PDXDC1: variants seen among roughly 807,000 people sequenced by gnomAD.
The protein encoded by PDXDC1 is pyridoxal dependent decarboxylase domain containing 1, also known as pyridoxal-dependent decarboxylase domain-containing protein 1.
A neutral mutation model predicts 100.1 loss-of-function variants in PDXDC1; 42 were observed. The ratio of observed to expected loss-of-function variants is 0.42; its 90% CI spans 0.33 to 0.54. The LOEUF is 0.54. PDXDC1 is among the 20% of genes least tolerant of loss of function. The pLI is 0.10. For missense variants in PDXDC1, 636 were observed against 979.2 expected, an observed-to-expected ratio of 0.65 and a Z score of 4.68; for synonymous variants, 260 against 371.7, an observed-to-expected ratio of 0.70 and a Z score of 3.46.
intron 16 of PDXDC1, among the ~76,000 whole-genome samples, chr16:15,124,522 C>G (rs2047597957): frequency 6.6e-6 from 1 of 151,746 alleles, no homozygotes; most frequent in South Asian, 2.1e-4. Flanking sequence ...CGCCTGTAAT[C>G]CCAGCACTTT....
At chr16:15,137,437 G>C (rs1269934967) in intron 16 of PDXDC1, 1 of 1,291,404 alleles carries the variant, frequency 7.7e-7, no homozygotes, top group Non-Finnish European at 1.1e-6. Context: ...AGCAGAAGGC[G>C]CTGCAGGCCT....
At chr16:15,080,154 T>G in intron 16 of PDXDC1, 2 of 1,524,128 alleles carry the variant, frequency 1.3e-6, no homozygotes, top group Non-Finnish European at 1.8e-6. Flanking sequence ...TTCACAGTTA[T>G]GTAAGCAAAA....
chr16:15,040,678 C>T (rs1235285106), downstream of PDXDC1, among the ~76,000 whole-genome samples: 1 of 152,064 alleles, frequency 6.6e-6, no homozygotes, highest in Non-Finnish European at 1.5e-5. Context: ...TCCTCAGTTC[C>T]TGATGTATAA....
At chr16:14,983,639 GCAGTTATTCATGT>G (rs1323350672) in intron 1 of PDXDC1, among the ~76,000 whole-genome samples, 38 of 147,546 alleles carry the variant, frequency 2.6e-4, no homozygotes, top group Non-Finnish European at 2.8e-4. Context: ...GTCTTAAACA[GCAGTTATTCATGT>G]CAGTTATTCA....
intron 16 of PDXDC1, among the ~76,000 whole-genome samples, chr16:15,074,153 A>G (rs2045353347): frequency 1.3e-5 from 2 of 152,170 alleles, no homozygotes; most frequent in Admixed American, 6.5e-5. Context: ...TCTAATCAAC[A>G]TGTATTATTT....
rs2041094953 is a variant in PDXDC1 at position 15,009,678 on chromosome 16, C to T, written c.649-3C>T. 6.2e-7 allele frequency: 1 copy of T among 1,613,092 alleles called. No individual in the cohort carries two copies. Among genetic ancestry groups the T allele is most frequent in the Non-Finnish European group, 8.5e-7 (1 of 1,179,634 alleles). ...ATTTTTTAATGATTTGTTTTGGTTC[C>T]AGGATGTTGCCTTCCTGGAGAAACT... On this transcript the variant is annotated splice_polypyrimidine_tract_variant and splice_region_variant and intron_variant, in intron 7 of 22. Coordinates refer to ENST00000396410, the MANE Select transcript of PDXDC1 (RefSeq NM_015027.4).
At chr16:15,011,221 A>C (rs1490347693) in intron 8 of PDXDC1, among the ~76,000 whole-genome samples, 1 of 152,296 alleles carries the variant, frequency 6.6e-6, no homozygotes, top group African/African-American at 2.4e-5. Flanking sequence ...TTAACCAAAG[A>C]AAATAGAGAA....
chr16:15,042,340 C>T (rs940151759), downstream of PDXDC1, among the ~76,000 whole-genome samples: 4 of 151,980 alleles, frequency 2.6e-5, no homozygotes, highest in African/African-American at 9.7e-5. Flanking sequence ...CTTGCGCCAC[C>T]ATGCCTGGCT....
downstream of PDXDC1, among the ~76,000 whole-genome samples, chr16:15,041,860 C>T (rs2043829807): frequency 6.6e-6 from 1 of 152,222 alleles, no homozygotes; most frequent in Non-Finnish European, 1.5e-5. Flanking sequence ...CACCACAGAA[C>T]CCTGACCGCC....
intron 16 of PDXDC1, among the ~76,000 whole-genome samples, chr16:15,043,881 G>A (rs1350719025): frequency 2.0e-5 from 3 of 152,066 alleles, no homozygotes; most frequent in Non-Finnish European, 2.9e-5. Context: ...CCAGGAGGCA[G>A]AGCTTGCAGT....
intron 16 of PDXDC1, chr16:15,065,112 G>C: frequency 1.7e-6 from 2 of 1,162,672 alleles, no homozygotes; most frequent in East Asian, 2.4e-5. Context: ...CTTGCGGTAA[G>C]CCGAGATCAC....
rs184648746 is a variant in PDXDC1, at chr16:15,096,101, G to A, written c.1400-42778G>A. Among the ~76,000 whole-genome samples, 695 of 151,654 alleles carry A rather than the reference G, an allele frequency of 4.6e-3. 5 individuals are homozygous for A. The highest frequency in any genetic ancestry group is 5.8e-3 in the Non-Finnish European group (393 of 67,846). ...TCACAACATAAAATACAGCAATTTG[G>A]TTTTTTTGTTTTTTGTTTTTTTTTT... is the stretch of plus-strand genomic sequence containing the variant. On this transcript the variant is annotated intron_variant, in intron 16 of 16. Transcript: ENST00000535621.
intron 16 of PDXDC1, chr16:15,130,613 C>T (rs2048001069): frequency 2.6e-5 from 36 of 1,376,782 alleles, no homozygotes; most frequent in Non-Finnish European, 3.4e-5. Flanking sequence ...CCTGCCCTGC[C>T]AGGCCGGCCC....
rs368035666 is a variant in PDXDC1 at position 15,131,718 on chromosome 16, A to G, written c.1400-7161A>G. ...GGTGGATGAGGTCTCCTGCAGACAGACGTGAGGTCAGTGCAGAGACAGGGA... is the reference window on the plus strand; with the variant it reads ...GGTGGATGAGGTCTCCTGCAGACAGGCGTGAGGTCAGTGCAGAGACAGGGA... On this transcript the variant is annotated intron_variant, in intron 16 of 16. Transcript: ENST00000535621. 5.4e-3 allele frequency: 6,178 copies of G among 1,139,160 alleles called. 242 individuals carry two copies. In the East Asian group the frequency reaches 0.16, roughly 30 times the overall value. The allele number at this position is 1,139,160 out of a possible 1,614,324, so 70.6% of individuals were successfully genotyped here.
At chr16:15,021,923 C>G (rs2042240525) in intron 12 of PDXDC1, among the ~76,000 whole-genome samples, 2 of 152,300 alleles carry the variant, frequency 1.3e-5, no homozygotes, top group Admixed American at 1.3e-4. Flanking sequence ...CATGCATCAT[C>G]TCATTTGATC....
intron 8 of PDXDC1, among the ~76,000 whole-genome samples, chr16:15,013,805 G>A (rs543280301): frequency 3.3e-5 from 5 of 152,030 alleles, no homozygotes; most frequent in Admixed American, 1.3e-4. Flanking sequence ...AACCTGGGAG[G>A]TGGAGGTTGC....
At chr16:15,024,881 ATC>A (rs1473235371) in intron 13 of PDXDC1, among the ~76,000 whole-genome samples, 3 of 152,308 alleles carry the variant, frequency 2.0e-5, no homozygotes, top group South Asian at 2.1e-4. Flanking sequence ...CTGAAATCAA[ATC>A]TGTTTGTTTT....
chr16:15,101,847 TTG>T (rs1226459892), intron 16 of PDXDC1, among the ~76,000 whole-genome samples: 2 of 151,064 alleles, frequency 1.3e-5, no homozygotes, highest in East Asian at 2.0e-4. Context: ...AGTTAATTTT[TTG>T]TGTGTTTTTA....
At chr16:15,086,379 TA>T in intron 16 of PDXDC1, 1 of 1,613,772 alleles carries the variant, frequency 6.2e-7, no homozygotes, top group Non-Finnish European at 8.5e-7. Flanking sequence ...ATAATACTGA[TA>T]AGTTGCTCAA....
Sources: gnomAD v4.1 joint callset for allele counts (sites outside exome capture counted in the v4.1 genomes callset) on GRCh38, gnomAD v4.1.1 for gene constraint, MANE v1.5 for transcripts, NCBI Gene and HGNC (gene_info 2026-07-23, HGNC 2026-07-21) for gene names.